Variants in RCC1L observed in about 807,000 individuals in gnomAD.
The protein encoded by RCC1L is RCC1-like G exchanging factor-like protein.
A neutral mutation model predicts 58.6 loss-of-function variants in RCC1L; 46 were observed. The ratio of observed to expected loss-of-function variants is 0.79; its 90% CI spans 0.62 to 1.00. The LOEUF is 1.00. Ranked by LOEUF, RCC1L falls within the 50% of genes least tolerant of loss-of-function variation. The pLI, the probability that RCC1L is intolerant of heterozygous loss-of-function variation, is 0.00. For missense variants in RCC1L, 636 were observed against 623.6 expected (o/e 1.02, Z -0.21); for synonymous variants, 281 against 262.9 (o/e 1.07, Z -0.67).
At chr7:75,046,824 A>G (rs1009812243) in intron 10 of RCC1L, among the ~76,000 whole-genome samples, 2 of 152,180 alleles carry the variant, frequency 1.3e-5, no homozygotes, top group Non-Finnish European at 2.9e-5. Context: ...GCTAAAACGA[A>G]CGCCCACCAG....
chr7:75,061,732 TTC>T (rs1353947018), intron 5 of RCC1L, among the ~76,000 whole-genome samples: 8 of 152,140 alleles, frequency 5.3e-5, no homozygotes, highest in Non-Finnish European at 8.8e-5. Flanking sequence ...ATGGGAGCCA[TTC>T]TCAATGCTTA....
intron 1 of RCC1L, among the ~76,000 whole-genome samples, chr7:75,072,850 C>T (rs1249784960): frequency 6.6e-6 from 1 of 151,980 alleles, no homozygotes; most frequent in Non-Finnish European, 1.5e-5. Flanking sequence ...GGTGGCAGGA[C>T]GATCTCTTGA....
At chr7:75,047,421 T>A (rs1805758950) in intron 10 of RCC1L, among the ~76,000 whole-genome samples, 1 of 152,074 alleles carries the variant, frequency 6.6e-6, no homozygotes, top group African/African-American at 2.4e-5. Flanking sequence ...CACACGCCAC[T>A]GCACCTGGGT....
At chr7:75,045,317 C>G (rs1014045502) in intron 10 of RCC1L, among the ~76,000 whole-genome samples, 79 of 151,796 alleles carry the variant, frequency 5.2e-4, no homozygotes, top group African/African-American at 1.7e-3. Flanking sequence ...GTAGCTAGGA[C>G]TACTGGCATG....
Position 75,064,524 on chromosome 7 carries a change from T to C in RCC1L, c.650+58A>G, listed in dbSNP as rs967332713. ...CGCGGGTTTACCACAGTCATCTCCC[T>C]AGAAATGTTTTGACACTTAACTCAA... On this transcript the variant is annotated intron_variant, in intron 4 of 10. Coordinates refer to ENST00000610322, the MANE Select transcript of RCC1L (RefSeq NM_030798.5). 3.7e-6 allele frequency: 6 copies of C among 1,600,042 alleles called. No individual in the cohort carries two copies. In the African/African-American group the frequency reaches 8.0e-5, roughly 21 times the overall value.
chr7:75,053,237 GGGGGTGGTGGACAGGT>G (rs1805973857), intron 9 of RCC1L, among the ~76,000 whole-genome samples: 5 of 116,628 alleles, frequency 4.3e-5, no homozygotes, highest in Non-Finnish European at 6.0e-5. Context: ...GTTGGGGTCT[GGGGGTGGTGGACAGGT>G]CTGGGGGTGG....
At chr7:75,029,037 G>A (rs1392232794) in intron 10 of RCC1L, among the ~76,000 whole-genome samples, 1 of 152,248 alleles carries the variant, frequency 6.6e-6, no homozygotes, top group Non-Finnish European at 1.5e-5. Flanking sequence ...GCAGGAGGAG[G>A]CTTGGTCTGG....
intron 6 of RCC1L, 84 bp from the exon 7 acceptor site, chr7:75,058,853 T>C: frequency 6.5e-7 from 1 of 1,549,898 alleles, no homozygotes; most frequent in Non-Finnish European, 8.9e-7. Context: ...CAAGTGCAGT[T>C]TTAAGCACTT....
In RCC1L at chr7:75,073,575, C is replaced by A; in HGVS notation, c.163G>T (p.Ala55Ser). The change falls in exon 1 of 11, where the codon GCT (alanine) becomes TCT (serine). Residue 55 changes from alanine to serine, a missense_variant. By Grantham distance (99) the Ala-to-Ser change is moderately conservative. Transcript: ENST00000610322. Reference protein sequence around the residue: ...VPVVQYVGERAARADRVFVWG... With the variant: ...VPVVQYVGERSARADRVFVWG... ...ACGAAGACGCGATCGGCGCGGGCAG[C>A]GCGCTCGCCCACGTACTGGACCACG... 8 of 1,511,200 alleles carry A rather than the reference C, an allele frequency of 5.3e-6. No individual in the cohort carries two copies. The highest frequency in any genetic ancestry group is 7.0e-6 in the Non-Finnish European group (8 of 1,139,246). The allele number at this position is 1,511,200 out of a possible 1,614,324, so 93.6% of individuals were successfully genotyped here. A position where few individuals can be genotyped will look rare whatever the true frequency, so the allele number is the denominator to read the frequency against.
In RCC1L at chr7:75,045,794, G is replaced by A. The variant is rs918631261; in HGVS notation, c.1318-2685C>T. Among the ~76,000 whole-genome samples the A allele has an allele frequency of 1.8e-3, 272 of 152,300 alleles. 1 individual carries two copies. Among genetic ancestry groups the A allele is most frequent in the African/African-American group, 6.1e-3 (252 of 41,570 alleles). On this transcript the variant is annotated intron_variant, in intron 10 of 10. Coordinates refer to ENST00000610322, the MANE Select transcript of RCC1L (RefSeq NM_030798.5). The stretch of plus-strand genomic sequence containing the variant: ...CTCCCAAAGCGCTGGGATTACAGGC[G>A]TGAGCCGCTGCACCTGGCCTTCTCT...
At chr7:75,034,532 C>CAA (rs1805392229) in intron 10 of RCC1L, among the ~76,000 whole-genome samples, 1 of 152,006 alleles carries the variant, frequency 6.6e-6, no homozygotes, top group East Asian at 1.9e-4. Flanking sequence ...CAAAACAAAA[C>CAA]AAAAAAGGTG....
chr7:75,070,699 C>T lies in RCC1L; in HGVS notation c.395G>A (p.Trp132Ter), dbSNP rs781968660. 1 of 1,614,140 alleles carries T rather than the reference C, an allele frequency of 6.2e-7. No homozygotes were observed. The highest frequency in any genetic ancestry group is 8.5e-7 in the Non-Finnish European group (1 of 1,180,012). The change falls in exon 2 of 11, where the codon TGG becomes TAG. Residue 132 changes from tryptophan to a stop codon, truncating the protein, a stop_gained. Coordinates refer to ENST00000610322, the MANE Select transcript of RCC1L (RefSeq NM_030798.5). LOFTEE classifies it high-confidence loss of function. ...AGAATCTTTGTTGAGTCCCATCCCC[C>T]AGACTTTCGTAACATCCGCAGTCTT... ...SSKTADVTKV[W>*]GMGLNKDSQL...
intron 9 of RCC1L, 163 bp downstream of exon 9, chr7:75,055,738 C>T (rs967668474): frequency 2.1e-5 from 17 of 807,282 alleles, no homozygotes; most frequent in South Asian, 1.3e-4. Context: ...TATACAACCT[C>T]GAGGCAAACA....
chr7:75,044,762 C>T (rs1465013256), intron 10 of RCC1L, among the ~76,000 whole-genome samples: 4 of 151,924 alleles, frequency 2.6e-5, no homozygotes, highest in African/African-American at 7.3e-5. Flanking sequence ...CTAGGCCAGG[C>T]GCAGTGGCTC....
downstream of RCC1L, among the ~76,000 whole-genome samples, chr7:75,038,765 G>A (rs1034628938): frequency 1.3e-5 from 2 of 152,138 alleles, no homozygotes; most frequent in African/African-American, 2.4e-5. Flanking sequence ...GGCCCTTGAG[G>A]AGCTCAGAAC....
In RCC1L at chr7:75,058,614, G is replaced by A; in HGVS notation, c.943C>T (p.Leu315=). ...TGTGTGGAGTCAGTGACAGAGGCCA[G>A]CTGCAGGTACTCCGAGTTTCCCCAA... ...FGWGNSEYLQ[L]ASVTDSTQVN... is the part of the protein sequence containing the mutation. The change falls in exon 7 of 11, where the codon CTG becomes TTG. Residue 315 remains leucine (L), a synonymous_variant. Transcript: ENST00000610322. The A allele has an allele frequency of 6.2e-7, 1 of 1,610,124 alleles. No individual in the cohort carries two copies. Among genetic ancestry groups the A allele is most frequent in the Non-Finnish European group, 8.5e-7 (1 of 1,177,942 alleles).
intron 9 of RCC1L, among the ~76,000 whole-genome samples, chr7:75,055,081 C>T (rs1291232943): frequency 1.3e-5 from 2 of 152,210 alleles, no homozygotes; most frequent in Non-Finnish European, 2.9e-5. Flanking sequence ...AAAGATGACA[C>T]CAACTGACTG....
intron 10 of RCC1L, among the ~76,000 whole-genome samples, chr7:75,029,614 G>A (rs916545488): frequency 5.9e-5 from 9 of 152,244 alleles, no homozygotes; most frequent in African/African-American, 2.2e-4. Flanking sequence ...AAAGTGCTGG[G>A]ATTACAGGCA....
At chr7:75,063,164 A>C in intron 5 of RCC1L, 128 bp downstream of exon 5, 1 of 1,049,876 alleles carries the variant, frequency 9.5e-7, no homozygotes, top group Admixed American at 1.9e-5. Context: ...TAAGTAGGCT[A>C]CAATTTTTAC....
Sources: allele counts gnomAD v4.1 joint callset (sites outside exome capture counted in the v4.1 genomes callset), GRCh38; gene constraint gnomAD v4.1.1; transcripts MANE v1.5; gene names NCBI Gene and HGNC (gene_info 2026-07-23, HGNC 2026-07-21).